The following PKP2 variants were observed in gnomAD, a reference collection of about 807,000 sequenced individuals.
PKP2 encodes the protein plakophilin-2.
Under a neutral mutation model 83.4 loss-of-function variants are expected in PKP2, and 73 were observed. The observed-to-expected ratio is 0.88, with a 90% CI of 0.72 to 1.06. PKP2 has a LOEUF of 1.06. Among genes scored for constraint, PKP2 ranks in the 50% least tolerant of loss-of-function variants. PKP2 has a pLI of 0.00. For missense variants in PKP2, 966 were observed against 1,065.4 expected (o/e 0.91, Z 1.30); for synonymous variants, 409 against 430.4 (o/e 0.95, Z 0.62).
At chr12:32,891,290 C>T (rs190117379) in intron 1 of PKP2, among the ~76,000 whole-genome samples, 5 of 152,166 alleles carry the variant, frequency 3.3e-5, no homozygotes, top group South Asian at 2.1e-4. Context: ...ATCTTATAGG[C>T]CATATTAATC....
chr12:32,846,745 C>CAAAAAAAAAAAAAAAAAAAAAAAAAAAA lies in PKP2; in HGVS notation c.1378+4020_1378+4021insTTTTTTTTTTTTTTTTTTTTTTTTTTTT, dbSNP rs574053559. ...GGGTAACAAGAATGAAACTTCTTCT[C>CAAAAAAAAAAAAAAAAAAAAAAAAAAAA]AAAAAAAAAAAAAAAAAAGAAGAGA... On this transcript the variant is annotated intron_variant, in intron 5 of 12. Coordinates refer to ENST00000340811, the MANE Select transcript of PKP2 (RefSeq NM_001005242.3). 2.5e-3 allele frequency among the ~76,000 whole-genome samples: 185 copies of CAAAAAAAAAAAAAAAAAAAAAAAAAAAA among 74,768 alleles called. 8 individuals carry two copies. Among genetic ancestry groups the CAAAAAAAAAAAAAAAAAAAAAAAAAAAA allele is most frequent in the African/African-American group, 3.6e-3 (64 of 17,694 alleles). The allele number at this position is 74,768 out of a possible 152,430, so 49.1% of individuals were successfully genotyped here.
intron 6 of PKP2, among the ~76,000 whole-genome samples, chr12:32,824,883 A>G (rs973673546): frequency 6.6e-6 from 1 of 152,210 alleles, no homozygotes; most frequent in African/African-American, 2.4e-5. Context: ...TAGAGAAATG[A>G]AACTTATCAA....
intron 5 of PKP2, among the ~76,000 whole-genome samples, chr12:32,841,545 G>T (rs1345858596): frequency 6.6e-6 from 1 of 152,174 alleles, no homozygotes; most frequent in African/African-American, 2.4e-5. Flanking sequence ...GGATAATAAA[G>T]TCTGGGCTCA....
chr12:32,886,305 A>G (rs944099761), intron 1 of PKP2, among the ~76,000 whole-genome samples: 18 of 152,204 alleles, frequency 1.2e-4, no homozygotes, highest in African/African-American at 4.3e-4. Flanking sequence ...CTCCCATTAC[A>G]GTAAAGTTGA....
intron 10 of PKP2, among the ~76,000 whole-genome samples, chr12:32,801,219 C>T (rs940412715): frequency 6.6e-6 from 1 of 152,142 alleles, no homozygotes; most frequent in Non-Finnish European, 1.5e-5. Flanking sequence ...GAACCTGAGG[C>T]CAACAGCATT....
chr12:32,854,025 T>C (rs1956724038), intron 4 of PKP2, among the ~76,000 whole-genome samples: 1 of 152,228 alleles, frequency 6.6e-6, no homozygotes, highest in South Asian at 2.1e-4. Context: ...ATCCTCCCAG[T>C]AGCAGTATAT....
intron 6 of PKP2, among the ~76,000 whole-genome samples, chr12:32,836,948 T>C (rs1233089483): frequency 1.3e-5 from 2 of 152,210 alleles, no homozygotes; most frequent in Non-Finnish European, 2.9e-5. Context: ...GGCCTTTCTA[T>C]TCATTGTGAC....
chr12:32,860,676 C>G (rs190121611), intron 4 of PKP2, among the ~76,000 whole-genome samples: 58 of 152,160 alleles, frequency 3.8e-4, no homozygotes, highest in Admixed American at 3.3e-3. Flanking sequence ...ACATGTATAC[C>G]TATATAACAA....
chr12:32,839,317 A>G (rs1452046153), intron 6 of PKP2, among the ~76,000 whole-genome samples: 2 of 151,816 alleles, frequency 1.3e-5, no homozygotes, highest in East Asian at 3.9e-4. Context: ...TTTCTGAATC[A>G]AGGCCAGGAA....
rs1016990834 is a variant in PKP2 at position 32,834,705 on chromosome 12, G to T, written c.1556+6323C>A. Among the ~76,000 whole-genome samples, 3 of 151,968 alleles carry T rather than the reference G, an allele frequency of 2.0e-5. No individual in the cohort carries two copies. In the East Asian group the frequency reaches 5.8e-4, roughly 29 times the overall value. On this transcript the variant is annotated intron_variant, in intron 6 of 12. Coordinates refer to ENST00000340811, the MANE Select transcript of PKP2 (RefSeq NM_001005242.3). The stretch of plus-strand genomic sequence containing the variant: ...TCCTTTAAGAGAAGAAAGAAGACTG[G>T]GGGGGAGGAGGGAAGAAAGAAGAAA...
At position 32,791,796 on chromosome 12, in the gene PKP2, A is replaced by G. The variant is rs971790067; in HGVS notation, c.*628T>C. On this transcript the variant is annotated 3_prime_UTR_variant, in exon 13 of 13. Coordinates refer to ENST00000340811, the MANE Select transcript of PKP2 (RefSeq NM_001005242.3). ...TAATTTGCTATGATCACTTCCTCTC[A>G]ATTTCTTTTTCTTACAGTCATGCAT... The G allele has an allele frequency of 3.9e-5, 6 of 152,382 alleles. No homozygotes were observed. Among genetic ancestry groups the G allele is most frequent in the African/African-American group, 1.4e-4 (6 of 41,432 alleles). The allele number at this position is 152,382 out of a possible 1,614,324, so 9.4% of individuals were successfully genotyped here.
At chr12:32,885,991 T>C (rs1022279350) in intron 1 of PKP2, among the ~76,000 whole-genome samples, 2 of 152,208 alleles carry the variant, frequency 1.3e-5, no homozygotes, top group African/African-American at 4.8e-5. Context: ...TGGTTCACAC[T>C]GAGCTCTAAA....
At chr12:32,872,765 T>G (rs1447091438) in intron 3 of PKP2, among the ~76,000 whole-genome samples, 4 of 152,116 alleles carry the variant, frequency 2.6e-5, no homozygotes, top group African/African-American at 9.7e-5. Context: ...TAAAGTAGGA[T>G]GAAAGCAATG....
intron 3 of PKP2, among the ~76,000 whole-genome samples, chr12:32,875,526 T>C (rs914122345): frequency 6.6e-6 from 1 of 152,154 alleles, no homozygotes; most frequent in Non-Finnish European, 1.5e-5. Flanking sequence ...ACAATGGGGC[T>C]TGTAGGTCAT....
intron 6 of PKP2, among the ~76,000 whole-genome samples, chr12:32,838,245 T>A (rs1315674993): frequency 6.6e-6 from 1 of 152,118 alleles, no homozygotes; most frequent in Non-Finnish European, 1.5e-5. Context: ...AAATATCACA[T>A]GTTCTCACTT....
At chr12:32,837,564 C>G (rs1384170912) in intron 6 of PKP2, among the ~76,000 whole-genome samples, 1 of 152,130 alleles carries the variant, frequency 6.6e-6, no homozygotes, top group Non-Finnish European at 1.5e-5. Flanking sequence ...GCACTCACTT[C>G]CCAGATTTTG....
rs377000496 is a variant in PKP2, at chr12:32,843,188, G to C, written c.1379-1983C>G. 3.8e-6 allele frequency: 2 copies of C among 519,814 alleles called. No homozygotes were observed. The highest frequency in any genetic ancestry group is 3.9e-5 in the African/African-American group (2 of 51,726). 32.2% of individuals were successfully genotyped at this position (519,814 alleles called of 1,614,324 possible). ...GTAGAGACAGGGGTCTCACCATGTT[G>C]GTCAGGCTGGTCTCGAACTCCTGAC... On this transcript the variant is annotated intron_variant, in intron 5 of 12. Coordinates refer to ENST00000340811, the MANE Select transcript of PKP2 (RefSeq NM_001005242.3).
At chr12:32,802,646 A>T in intron 9 of PKP2, 90 bp from the exon 10 acceptor site, 1 of 1,123,078 alleles carries the variant, frequency 8.9e-7, no homozygotes, top group Non-Finnish European at 1.3e-6. Context: ...GTTGATGAAG[A>T]TGTTTTATTT....
intron 4 of PKP2, among the ~76,000 whole-genome samples, chr12:32,855,585 G>A (rs1956738256): frequency 6.6e-6 from 1 of 152,002 alleles, no homozygotes; most frequent in African/African-American, 2.4e-5. Context: ...GACCAGCCTG[G>A]CCAACATAGT....
Sources: gnomAD v4.1 joint callset for allele counts (sites outside exome capture counted in the v4.1 genomes callset) on GRCh38, gnomAD v4.1.1 for gene constraint, MANE v1.5 for transcripts, NCBI Gene and HGNC (gene_info 2026-07-23, HGNC 2026-07-21) for gene names.